The following ELAPOR2 variants were observed in gnomAD, a reference collection of about 807,000 sequenced individuals.
The protein encoded by ELAPOR2 is endosome/lysosome-associated apoptosis and autophagy regulator family member 2.
ELAPOR2 carries 89 observed loss-of-function variants against 120.7 expected under a neutral mutation model. The ratio of observed to expected loss-of-function variants is 0.74; its 90% CI spans 0.62 to 0.88. ELAPOR2 has a LOEUF of 0.88. Ranked by LOEUF, ELAPOR2 falls within the 40% of genes least tolerant of loss-of-function variation. The pLI, the probability that ELAPOR2 is intolerant of heterozygous loss-of-function variation, is 0.00. For missense variants in ELAPOR2, 1,134 were observed against 1,251.6 expected, an observed-to-expected ratio of 0.91 and a Z score of 1.42; for synonymous variants, 444 against 444.9, an observed-to-expected ratio of 1.00 and a Z score of 0.03.
At chr7:87,044,776 C>G (rs1485570271) in intron 1 of ELAPOR2, among the ~76,000 whole-genome samples, 48 of 151,464 alleles carry the variant, frequency 3.2e-4, no homozygotes, top group Non-Finnish European at 5.6e-4. Context: ...TTAAACTAAA[C>G]AGCTTCTGCA....
intron 8 of ELAPOR2, among the ~76,000 whole-genome samples, chr7:86,936,928 T>C (rs1790585628): frequency 6.6e-6 from 1 of 152,116 alleles, no homozygotes; most frequent in Non-Finnish European, 1.5e-5. Flanking sequence ...AACTGATTAT[T>C]ACATAAAATA....
chr7:86,950,586 T>C (rs1233393518), intron 2 of ELAPOR2, among the ~76,000 whole-genome samples: 2 of 152,204 alleles, frequency 1.3e-5, no homozygotes, highest in East Asian at 3.9e-4. Flanking sequence ...AGGGAACCAG[T>C]GCCCATGCTG....
chr7:86,946,306 G>T (rs1791006564), intron 3 of ELAPOR2, among the ~76,000 whole-genome samples: 1 of 152,098 alleles, frequency 6.6e-6, no homozygotes. Context: ...AGTCTACAAT[G>T]ATATAACCAT....
intron 1 of ELAPOR2, among the ~76,000 whole-genome samples, chr7:87,033,862 C>A (rs1390900809): frequency 6.6e-6 from 1 of 151,612 alleles, no homozygotes; most frequent in Non-Finnish European, 1.5e-5. Context: ...ATATATAAAA[C>A]AATAGCTTAT....
At chr7:87,013,202 T>A (rs905831901) in intron 1 of ELAPOR2, among the ~76,000 whole-genome samples, 1 of 152,140 alleles carries the variant, frequency 6.6e-6, no homozygotes, top group East Asian at 1.9e-4. Flanking sequence ...TAGAAGAGAA[T>A]GAAGCTCAAG....
rs143424146 is a variant in ELAPOR2 at position 87,039,756 on chromosome 7, C to T, written c.189+19569G>A. On this transcript the variant is annotated intron_variant, in intron 1 of 21. Transcript: ENST00000450689. ...AAAACTAGGTATAGAAGGAACATAC[C>T]GAGGGAGGAGCCAAGATGGCCGAAT... Among the ~76,000 whole-genome samples, 1,244 of 151,520 alleles carry T rather than the reference C, an allele frequency of 8.2e-3. 19 individuals are homozygous for T. Among genetic ancestry groups the T allele is most frequent in the African/African-American group, 0.029 (1,195 of 41,388 alleles).
intron 1 of ELAPOR2, among the ~76,000 whole-genome samples, chr7:86,982,538 C>A (rs1633457): frequency 1.1e-4 from 16 of 152,124 alleles, no homozygotes; most frequent in African/African-American, 3.6e-4. Context: ...ATAACCAGGC[C>A]AACAGGGTCC....
chr7:86,995,929 T>C (rs538932400), intron 1 of ELAPOR2, among the ~76,000 whole-genome samples: 1 of 152,346 alleles, frequency 6.6e-6, no homozygotes, highest in Non-Finnish European at 1.5e-5. Flanking sequence ...TTCTATAAGA[T>C]ATATTCTCCA....
In ELAPOR2 at chr7:86,919,324, A is replaced by T. The variant is rs1789712754; in HGVS notation, c.1400-14T>A. 1.3e-6 allele frequency: 2 copies of T among 1,531,012 alleles called. No homozygotes were observed. Among genetic ancestry groups the T allele is most frequent in the African/African-American group, 2.8e-5 (2 of 72,234 alleles). 94.8% of individuals were successfully genotyped at this position (1,531,012 alleles called of 1,614,324 possible). ...CCACCTCCCAACCTAGAAGTAATAA[A>T]AGTCATTTTTATTAATAAAAATTCC... On this transcript the variant is annotated splice_polypyrimidine_tract_variant and intron_variant, in intron 10 of 21. Transcript: ENST00000450689.
Position 86,925,632 on chromosome 7 carries a change from G to C in ELAPOR2, c.1295C>G (p.Thr432Arg), listed in dbSNP as rs138544248. Residue 432 changes from threonine (T) to arginine (R), a missense_variant, in exon 10 of 22, where the codon ACG (threonine) becomes AGG (arginine). Thr to Arg is a moderately conservative substitution (Grantham distance 71, BLOSUM62 -1). Coordinates refer to ENST00000450689, the MANE Select transcript of ELAPOR2 (RefSeq NM_001142749.3). ...TKECRPCPAG[T>R]EPALGFEYKW... Reference sequence around the variant, plus strand: ...ATATTCAAAGCCAAGTGCAGGCTCCGTTCCTGCTGGACATGGTCTACATTC... The same window carrying C: ...ATATTCAAAGCCAAGTGCAGGCTCCCTTCCTGCTGGACATGGTCTACATTC... 1.9e-5 allele frequency: 31 copies of C among 1,611,576 alleles called. No individual in the cohort carries two copies. Among genetic ancestry groups the C allele is most frequent in the Non-Finnish European group, 2.5e-5 (29 of 1,178,394 alleles).
intron 10 of ELAPOR2, among the ~76,000 whole-genome samples, chr7:86,922,984 T>A (rs1389928227): frequency 6.6e-6 from 1 of 151,980 alleles, no homozygotes; most frequent in East Asian, 1.9e-4. Flanking sequence ...ATATTTCACA[T>A]AAACCTCCCA....
At chr7:86,948,236 A>G (rs765365864) in intron 2 of ELAPOR2, among the ~76,000 whole-genome samples, 62 of 152,118 alleles carry the variant, frequency 4.1e-4, no homozygotes, top group Non-Finnish European at 7.2e-4. Flanking sequence ...CTCTACATGG[A>G]ACACTCCTGT....
intron 1 of ELAPOR2, among the ~76,000 whole-genome samples, chr7:87,036,864 T>C (rs969478531): frequency 6.6e-6 from 1 of 152,160 alleles, no homozygotes; most frequent in African/African-American, 2.4e-5. Context: ...ATCATTCATA[T>C]CCCAAACCTC....
chr7:86,942,509 T>C (rs1054443781), intron 4 of ELAPOR2, among the ~76,000 whole-genome samples: 3 of 152,120 alleles, frequency 2.0e-5, no homozygotes, highest in African/African-American at 7.2e-5. Context: ...AGCTGTTCTT[T>C]ATAATATTTG....
intron 1 of ELAPOR2, among the ~76,000 whole-genome samples, chr7:86,974,500 G>T (rs1319833015): frequency 6.6e-6 from 1 of 150,556 alleles, no homozygotes; most frequent in Non-Finnish European, 1.5e-5. Flanking sequence ...ATAATACAAA[G>T]GTATATTTAA....
intron 21 of ELAPOR2, among the ~76,000 whole-genome samples, chr7:86,885,040 C>T (rs578205343): frequency 3.4e-4 from 51 of 152,164 alleles, no homozygotes; most frequent in African/African-American, 1.1e-3. Flanking sequence ...GTTTACAACG[C>T]GGAAGAAGTT....
chr7:87,025,835 A>G (rs926739565), intron 1 of ELAPOR2, among the ~76,000 whole-genome samples: 5 of 151,134 alleles, frequency 3.3e-5, no homozygotes, highest in African/African-American at 1.2e-4. Flanking sequence ...CATATGTTAT[A>G]TTTTTGAAGG....
intron 1 of ELAPOR2, among the ~76,000 whole-genome samples, chr7:86,976,794 C>T: frequency 6.6e-6 from 1 of 152,100 alleles, no homozygotes; most frequent in East Asian, 1.9e-4. Context: ...ATACAAAGAA[C>T]AAGGAAAATC....
At chr7:86,972,519 G>A (rs1469750409) in intron 1 of ELAPOR2, among the ~76,000 whole-genome samples, 13 of 151,120 alleles carry the variant, frequency 8.6e-5, no homozygotes, top group Admixed American at 7.9e-4. Flanking sequence ...CATGACAAGA[G>A]AAGAGTTATT....
Sources: gnomAD v4.1 joint callset for allele counts (sites outside exome capture counted in the v4.1 genomes callset) on GRCh38, gnomAD v4.1.1 for gene constraint, MANE v1.5 for transcripts, NCBI Gene and HGNC (gene_info 2026-07-23, HGNC 2026-07-21) for gene names.